Variants in PIGU observed in about 807,000 individuals in gnomAD.
PIGU encodes phosphatidylinositol glycan anchor biosynthesis class U, also known as GPI-anchor transamidase component PIGU.
A neutral mutation model predicts 49.9 loss-of-function variants in PIGU; 24 were observed. The ratio of observed to expected loss-of-function variants is 0.48; its 90% CI spans 0.35 to 0.68. PIGU has a LOEUF of 0.68. PIGU is among the 30% of genes least tolerant of loss of function. The pLI, the probability that PIGU is intolerant of heterozygous loss-of-function variation, is 0.01. For missense variants in PIGU, 490 were observed against 532.6 expected (o/e 0.92, Z 0.79); for synonymous variants, 220 against 205.7 (o/e 1.07, Z -0.59).
At chr20:34,659,666 A>C (rs1278222998) in intron 1 of PIGU, among the ~76,000 whole-genome samples, 2 of 152,214 alleles carry the variant, frequency 1.3e-5, no homozygotes, top group African/African-American at 4.8e-5. Context: ...TCTGTATAGA[A>C]AGAAGTAGAC....
At chr20:34,628,545 C>T (rs1985581888) in intron 6 of PIGU, among the ~76,000 whole-genome samples, 1 of 151,926 alleles carries the variant, frequency 6.6e-6, no homozygotes, top group Non-Finnish European at 1.5e-5. Flanking sequence ...AATGAATATG[C>T]AGCCATTAAA....
chr20:34,565,266 G>GA (rs1555794320), intron 11 of PIGU, among the ~76,000 whole-genome samples: 1 of 150,688 alleles, frequency 6.6e-6, no homozygotes, highest in Non-Finnish European at 1.5e-5. Flanking sequence ...GGCTCCTCTA[G>GA]TTTTTTTTTG....
chr20:34,665,329 G>A (rs1048564139), intron 1 of PIGU, among the ~76,000 whole-genome samples: 3 of 145,344 alleles, frequency 2.1e-5, no homozygotes, highest in South Asian at 4.5e-4. Context: ...TCAGCCTCCC[G>A]AGTAGCTGGG....
chr20:34,562,462 G>A, intron 11 of PIGU: 1 of 1,289,016 alleles, frequency 7.8e-7, no homozygotes, highest in Non-Finnish European at 1.0e-6. Context: ...AGCAGCTAAG[G>A]AGAGATCAGA....
intron 1 of PIGU, among the ~76,000 whole-genome samples, chr20:34,668,483 A>AGGG (rs1260284257): frequency 3.4e-5 from 3 of 88,720 alleles, no homozygotes; most frequent in African/African-American, 1.1e-4. Context: ...AAAAAAAAAA[A>AGGG]GGGGGGGGCG....
chr20:34,573,873 C>T (rs1983115525), intron 11 of PIGU, among the ~76,000 whole-genome samples: 3 of 152,252 alleles, frequency 2.0e-5, no homozygotes, highest in Non-Finnish European at 4.4e-5. Context: ...TGCTCACAAA[C>T]CAAGACAACT....
intron 7 of PIGU, among the ~76,000 whole-genome samples, chr20:34,589,587 G>C (rs867083504): frequency 2.0e-5 from 3 of 149,374 alleles, no homozygotes; most frequent in African/African-American, 7.4e-5. Flanking sequence ...TCTTGACCTC[G>C]TGAATCACCC....
intron 1 of PIGU, among the ~76,000 whole-genome samples, chr20:34,671,527 G>A (rs991630638): frequency 1.3e-5 from 2 of 152,032 alleles, no homozygotes; most frequent in African/African-American, 2.4e-5. Context: ...CCTCCCAAGT[G>A]CTGGGATTAC....
At position 34,634,551 on chromosome 20, in the gene PIGU, C is replaced by T. The variant is rs1351070565; in HGVS notation, c.529+64G>A. 1.1e-5 allele frequency: 16 copies of T among 1,499,004 alleles called. No individual in the cohort carries two copies. In the East Asian group the frequency reaches 3.9e-4, roughly 37 times the overall value. The allele number at this position is 1,499,004 out of a possible 1,614,324, so 92.9% of individuals were successfully genotyped here. A position where few individuals can be genotyped will look rare whatever the true frequency, so the allele number is the denominator to read the frequency against. On this transcript the variant is annotated intron_variant, in intron 6 of 11. Coordinates refer to ENST00000217446, the MANE Select transcript of PIGU (RefSeq NM_080476.5). ...AAAAAAACAAAACAAAACCACAGCA[C>T]AAGTGTTGCAAAATCTTGCATAAAT...
At chr20:34,615,637 G>C (rs942651564) in intron 7 of PIGU, among the ~76,000 whole-genome samples, 8 of 152,126 alleles carry the variant, frequency 5.3e-5, no homozygotes, top group African/African-American at 1.9e-4. Context: ...ACCATTCTGA[G>C]TAGTGTGATG....
chr20:34,620,845 G>C (rs866013521), intron 6 of PIGU, among the ~76,000 whole-genome samples: 25 of 146,536 alleles, frequency 1.7e-4, no homozygotes, highest in African/African-American at 6.0e-4. Context: ...AAAAAAAACA[G>C]TTCCTGACTC....
intron 6 of PIGU, among the ~76,000 whole-genome samples, chr20:34,621,694 G>A (rs935149142): frequency 2.2e-4 from 34 of 152,170 alleles, no homozygotes; most frequent in African/African-American, 7.5e-4. Flanking sequence ...TATGTGCTTG[G>A]GGCAGAGTCA....
At chr20:34,597,012 G>T (rs1250710401) in intron 7 of PIGU, among the ~76,000 whole-genome samples, 1 of 152,164 alleles carries the variant, frequency 6.6e-6, no homozygotes, top group Non-Finnish European at 1.5e-5. Context: ...GTGAAGATGT[G>T]TGGCAACTAG....
intron 11 of PIGU, among the ~76,000 whole-genome samples, chr20:34,565,471 A>G (rs1982708762): frequency 1.3e-5 from 2 of 152,054 alleles, no homozygotes; most frequent in African/African-American, 4.8e-5. Flanking sequence ...CATGATAGCC[A>G]GGATGGTCTC....
intron 1 of PIGU, among the ~76,000 whole-genome samples, chr20:34,669,963 T>C (rs1987255105): frequency 6.6e-6 from 1 of 151,994 alleles, no homozygotes; most frequent in Non-Finnish European, 1.5e-5. Context: ...TTCATTTGAG[T>C]AATAAAACTT....
At chr20:34,590,107 A>G (rs1983894041) in intron 7 of PIGU, among the ~76,000 whole-genome samples, 1 of 152,074 alleles carries the variant, frequency 6.6e-6, no homozygotes, top group Non-Finnish European at 1.5e-5. Context: ...AAAAAAAAAA[A>G]AGATGCTGGG....
At chr20:34,660,322 T>C (rs1407440077) in intron 1 of PIGU, among the ~76,000 whole-genome samples, 2 of 152,198 alleles carry the variant, frequency 1.3e-5, no homozygotes, top group Non-Finnish European at 2.9e-5. Flanking sequence ...CGGTGGTTCA[T>C]GCCTGTAATC....
chr20:34,600,599 C>T (rs1984379098), intron 7 of PIGU, among the ~76,000 whole-genome samples: 1 of 151,640 alleles, frequency 6.6e-6, no homozygotes, highest in Non-Finnish European at 1.5e-5. Flanking sequence ...AGGAAGAAAA[C>T]AGCCCAGGAG....
chr20:34,645,424 T>G (rs777298884), intron 2 of PIGU, 90 bp from the exon 3 acceptor site: 2 of 1,405,228 alleles, frequency 1.4e-6, no homozygotes, highest in Non-Finnish European at 1.9e-6. Flanking sequence ...AAAACTATTA[T>G]GTCAGCAAAC....
Sources: allele counts gnomAD v4.1 joint callset (sites outside exome capture counted in the v4.1 genomes callset), GRCh38; gene constraint gnomAD v4.1.1; transcripts MANE v1.5; gene names NCBI Gene and HGNC (gene_info 2026-07-23, HGNC 2026-07-21).